TMEM192: variants seen among roughly 807,000 people sequenced by gnomAD.
The protein encoded by TMEM192 is transmembrane protein 192.
A neutral mutation model predicts 26.7 loss-of-function variants in TMEM192; 20 were observed. That is an observed-to-expected ratio of 0.75 (90% CI 0.53 to 1.09). The LOEUF (loss-of-function observed/expected upper bound fraction) is 1.09. TMEM192 is among the 50% of genes least tolerant of loss of function. TMEM192 has a pLI of 0.00. For synonymous variants in TMEM192, 124 were observed against 121.0 expected, an observed-to-expected ratio of 1.02 and a Z score of -0.16; for missense variants, 304 against 322.6, an observed-to-expected ratio of 0.94 and a Z score of 0.44.
chr4:165,105,992 G>A (rs1735151414), intron 1 of TMEM192, among the ~76,000 whole-genome samples: 1 of 152,140 alleles, frequency 6.6e-6, no homozygotes, highest in Non-Finnish European at 1.5e-5. Flanking sequence ...GCAAGAAGGC[G>A]CCATCTTTGA....
chr4:165,098,244 C>T (rs1369867200), intron 3 of TMEM192, among the ~76,000 whole-genome samples: 1 of 151,966 alleles, frequency 6.6e-6, no homozygotes, highest in South Asian at 2.1e-4. Flanking sequence ...CCTGCCTCAG[C>T]CTCCCGAGTA....
At chr4:165,108,112 C>CTT (rs755013001) in intron 1 of TMEM192, among the ~76,000 whole-genome samples, 1 of 91,174 alleles carries the variant, frequency 1.1e-5, no homozygotes, top group Non-Finnish European at 1.9e-5. Flanking sequence ...TCTGTATTCC[C>CTT]TTTTTTTTTT....
intron 3 of TMEM192, among the ~76,000 whole-genome samples, chr4:165,093,546 A>G (rs189847830): frequency 6.6e-6 from 1 of 152,288 alleles, no homozygotes; most frequent in East Asian, 1.9e-4. Context: ...ATACTGAAAT[A>G]AAACATTCCT....
intron 1 of TMEM192, among the ~76,000 whole-genome samples, chr4:165,107,923 A>G (rs1167647615): frequency 6.6e-6 from 1 of 152,096 alleles, no homozygotes; most frequent in African/African-American, 2.4e-5. Flanking sequence ...ACTTCTAAAT[A>G]TATAGAAGAC....
At chr4:165,085,485 T>A (rs755451074) in intron 5 of TMEM192, 101 bp downstream of exon 5, 3 of 785,418 alleles carry the variant, frequency 3.8e-6, no homozygotes, top group Non-Finnish European at 6.2e-6. Flanking sequence ...ATCAAACAAA[T>A]GTAAAAGTAC....
At chr4:165,107,397 C>T (rs922297066) in intron 1 of TMEM192, among the ~76,000 whole-genome samples, 3 of 151,678 alleles carry the variant, frequency 2.0e-5, no homozygotes, top group African/African-American at 4.8e-5. Flanking sequence ...AGAACAGTGG[C>T]ACGATCTCGG....
chr4:165,087,182 T>G (rs1371774350), intron 4 of TMEM192, among the ~76,000 whole-genome samples: 1 of 152,140 alleles, frequency 6.6e-6, no homozygotes, highest in Non-Finnish European at 1.5e-5. Flanking sequence ...CTTCAGCTAT[T>G]AGAAAACTCT....
In TMEM192 at chr4:165,100,857, C is replaced by T. The variant is rs1735023474; in HGVS notation, c.210G>A (p.Val70=). Residue 70 remains valine, a synonymous_variant, in exon 3 of 6, where the codon GTG becomes GTA. Coordinates refer to ENST00000306480, the MANE Select transcript of TMEM192 (RefSeq NM_001100389.2). ...VFVVLAFLTG[V]LCSYPNPNED... ...CATTTGGATTAGGATAAGAACAAAG[C>T]ACACCTGTTAAAAATGCTAAAACAA... The T allele has an allele frequency of 6.2e-7, 1 of 1,613,184 alleles. No homozygotes were observed. Among genetic ancestry groups the T allele is most frequent in the Non-Finnish European group, 8.5e-7 (1 of 1,179,872 alleles).
intron 3 of TMEM192, among the ~76,000 whole-genome samples, chr4:165,097,920 C>T (rs1404108050): frequency 6.6e-6 from 1 of 151,944 alleles, no homozygotes; most frequent in Non-Finnish European, 1.5e-5. Context: ...CTTGATCTCC[C>T]GGGTTCAAGC....
intron 3 of TMEM192, among the ~76,000 whole-genome samples, chr4:165,089,757 G>A (rs953606422): frequency 6.6e-5 from 10 of 152,158 alleles, no homozygotes; most frequent in Admixed American, 3.3e-4. Flanking sequence ...CAGGAGGGCC[G>A]GAAGGCAGAG....
chr4:165,097,418 C>T (rs552988672), intron 3 of TMEM192, among the ~76,000 whole-genome samples: 65 of 144,262 alleles, frequency 4.5e-4, no homozygotes, highest in Non-Finnish European at 7.6e-4. Context: ...GGCCTGAACC[C>T]GGGAGGCGGA....
chr4:165,111,355 A>G (rs1735289160), intron 1 of TMEM192, among the ~76,000 whole-genome samples: 1 of 152,172 alleles, frequency 6.6e-6, no homozygotes, highest in Admixed American at 6.5e-5. Context: ...CGGCCTCCCA[A>G]AGTGCTGGGA....
At position 165,073,545 on chromosome 4, in the gene TMEM192, C is replaced by T. The variant is rs1579197706; in HGVS notation, c.*6113G>A. On this transcript the variant is annotated 3_prime_UTR_variant, in exon 6 of 6. Coordinates refer to ENST00000306480, the MANE Select transcript of TMEM192 (RefSeq NM_001100389.2). ...GGCCTTACCATCCCCCAGCCCGACA[C>T]CTGTAAAGGGTCTGTGCTGAGGAGG... 1.3e-5 allele frequency: 2 copies of T among 151,960 alleles called. No homozygotes were observed. Among genetic ancestry groups the T allele is most frequent in the Non-Finnish European group, 2.9e-5 (2 of 68,034 alleles). The allele number at this position is 151,960 out of a possible 1,614,324, so 9.4% of individuals were successfully genotyped here. A position where few individuals can be genotyped will look rare whatever the true frequency, so the allele number is the denominator to read the frequency against.
chr4:165,090,165 C>T (rs539554315), intron 3 of TMEM192, among the ~76,000 whole-genome samples: 6 of 131,682 alleles, frequency 4.6e-5, no homozygotes, highest in Admixed American at 2.7e-4. Context: ...GAGCCAAGAT[C>T]GTGGCACTGC....
intron 2 of TMEM192, among the ~76,000 whole-genome samples, chr4:165,101,266 G>A (rs1400196695): frequency 2.6e-5 from 4 of 151,766 alleles, no homozygotes; most frequent in East Asian, 1.9e-4. Context: ...GTGAGCCACC[G>A]CACCCGGCTT....
chr4:165,101,857 ATGT>A (rs1735046227), intron 2 of TMEM192, among the ~76,000 whole-genome samples: 2 of 152,308 alleles, frequency 1.3e-5, no homozygotes, highest in East Asian at 3.9e-4. Context: ...AAGCCAGGAA[ATGT>A]GCTGAGGGAT....
intron 3 of TMEM192, among the ~76,000 whole-genome samples, chr4:165,100,112 A>G (rs1433221005): frequency 1.3e-5 from 2 of 152,120 alleles, no homozygotes. Flanking sequence ...TTCATAACAA[A>G]TAACAGATTT....
At chr4:165,091,766 T>A (rs566228842) in intron 3 of TMEM192, among the ~76,000 whole-genome samples, 1 of 152,318 alleles carries the variant, frequency 6.6e-6, no homozygotes, top group South Asian at 2.1e-4. Context: ...TTAGGAATGA[T>A]TTTTTGCTTT....
intron 3 of TMEM192, among the ~76,000 whole-genome samples, chr4:165,092,560 A>C (rs1433873855): frequency 1.3e-5 from 2 of 152,186 alleles, no homozygotes; most frequent in Non-Finnish European, 2.9e-5. Context: ...TATGAGGACC[A>C]TTTTAAACTC....
Sources: gnomAD v4.1 joint callset for allele counts (sites outside exome capture counted in the v4.1 genomes callset) on GRCh38, gnomAD v4.1.1 for gene constraint, MANE v1.5 for transcripts, NCBI Gene and HGNC (gene_info 2026-07-23, HGNC 2026-07-21) for gene names.